SDHA: variants seen among roughly 807,000 people sequenced by gnomAD.
SDHA encodes succinate dehydrogenase complex flavoprotein subunit A.
In SDHA, 48 loss-of-function variants were observed where a neutral mutation model predicts 78.4. The observed-to-expected ratio is 0.61, with a 90% confidence interval of 0.49 to 0.78. The LOEUF is 0.78. Ranked by LOEUF, SDHA falls within the 30% of genes least tolerant of loss-of-function variation. The pLI is 0.00. For missense variants in SDHA, 680 were observed against 892.7 expected (o/e 0.76, Z 3.04); for synonymous variants, 326 against 353.9 (o/e 0.92, Z 0.88).
intron 7 of SDHA, among the ~76,000 whole-genome samples, chr5:232,800 C>G (rs1735499477): frequency 6.6e-6 from 1 of 152,204 alleles, no homozygotes; most frequent in Non-Finnish European, 1.5e-5. Flanking sequence ...AATTCGAGAG[C>G]TTGGCATGCC....
At chr5:268,728 A>G in the SDHA span, among the ~76,000 whole-genome samples, 1 of 152,222 alleles carries the variant, frequency 6.6e-6, no homozygotes, top group Admixed American at 6.5e-5. Context: ...ATATTTAAAT[A>G]TTAAAAGGGT....
intron 10 of SDHA, among the ~76,000 whole-genome samples, chr5:240,130 G>A (rs1198508108): frequency 6.6e-6 from 1 of 152,050 alleles, no homozygotes; most frequent in Non-Finnish European, 1.5e-5. Flanking sequence ...ATCACTTAAT[G>A]GATATCTACT....
intron 1 of SDHA, among the ~76,000 whole-genome samples, chr5:220,911 C>G (rs1391576416): frequency 2.0e-5 from 3 of 151,656 alleles, no homozygotes; most frequent in Non-Finnish European, 4.4e-5. Context: ...CTCCCGAGTT[C>G]ACGCCATTCT....
chr5:251,684 C>T, intron 13 of SDHA: 3 of 1,493,258 alleles, frequency 2.0e-6, no homozygotes, highest in Non-Finnish European at 2.7e-6. Flanking sequence ...TCCACTGATG[C>T]CAGCAGTGGC....
rs534035027 is a variant in SDHA at position 232,210 on chromosome 5, T to G, written c.895+1210T>G. ...AATAAGAAATGAATTTGTTGTAGTG[T>G]TTTTTTTTTATTTGTTTCGAGATGG... On this transcript the variant is annotated intron_variant, in intron 7 of 14. Transcript: ENST00000264932. Among the ~76,000 whole-genome samples, 13 of 149,054 alleles carry G rather than the reference T, an allele frequency of 8.7e-5. No individual in the cohort carries two copies. The South Asian group carries it at 2.3e-3, about 27-fold the overall frequency.
At chr5:249,715 C>G (rs1217169296) in intron 11 of SDHA, 2 of 152,304 alleles carry the variant, frequency 1.3e-5, no homozygotes, top group Non-Finnish European at 2.9e-5. Flanking sequence ...TCCCACTTCA[C>G]ATGCTGTATT....
intron 8 of SDHA, 62 bp downstream of exon 8, chr5:233,707 A>C: frequency 1.9e-6 from 3 of 1,554,384 alleles, no homozygotes; most frequent in African/African-American, 1.4e-5. Context: ...TGCTTCTGTG[A>C]GTTTCAGCAC....
intron 6 of SDHA, among the ~76,000 whole-genome samples, chr5:229,186 A>C (rs907106633): frequency 2.6e-5 from 4 of 152,358 alleles, no homozygotes; most frequent in Middle Eastern, 3.4e-3. Context: ...AAATTAGTAC[A>C]ACTATTACGG....
intron 14 of SDHA, among the ~76,000 whole-genome samples, chr5:254,994 G>A (rs1223459907): frequency 6.6e-6 from 1 of 151,898 alleles, no homozygotes; most frequent in Non-Finnish European, 1.5e-5. Context: ...CCTGGGCACT[G>A]AGCAAGCAGA....
intron 7 of SDHA, among the ~76,000 whole-genome samples, chr5:232,674 AAGAC>A (rs1474339506): frequency 9.9e-5 from 15 of 151,660 alleles, no homozygotes; most frequent in Admixed American, 9.2e-4. Flanking sequence ...AGAAAATCAA[AAGAC>A]AGACAAGAAT....
chr5:251,533 A>G (rs1295028169), intron 13 of SDHA, 65 bp downstream of exon 13: 1 of 1,611,138 alleles, frequency 6.2e-7, no homozygotes, highest in African/African-American at 1.3e-5. Context: ...ACTCAGCCCC[A>G]CCCCTGCATT....
At chr5:222,527 A>T (rs1579378180) in intron 1 of SDHA, among the ~76,000 whole-genome samples, 1 of 151,842 alleles carries the variant, frequency 6.6e-6, no homozygotes, top group East Asian at 1.9e-4. Flanking sequence ...GTTAGTAGAG[A>T]TGGGGTTTTG....
chr5:257,194 A>C (rs1310587185), downstream of SDHA, among the ~76,000 whole-genome samples: 1 of 152,172 alleles, frequency 6.6e-6, no homozygotes, highest in African/African-American at 2.4e-5. Flanking sequence ...TTACTAGGTG[A>C]GTGTGTCCTT....
the SDHA span, among the ~76,000 whole-genome samples, chr5:262,951 C>A: frequency 6.6e-6 from 1 of 151,520 alleles, no homozygotes; most frequent in Non-Finnish European, 1.5e-5. Flanking sequence ...TGTTTTTTTT[C>A]TTGGTAGAGA....
In SDHA at chr5:251,030, C is replaced by T. The variant is rs1060503701; in HGVS notation, c.1590C>T (p.Ser530=). 8.7e-6 allele frequency: 14 copies of T among 1,611,846 alleles called. No individual in the cohort carries two copies. Among genetic ancestry groups the T allele is most frequent in the South Asian group, 4.4e-5 (4 of 90,986 alleles). The change falls in exon 12 of 15, where the codon AGC becomes AGT. Residue 530 remains serine (S), a synonymous_variant. Coordinates refer to ENST00000264932, the MANE Select transcript of SDHA (RefSeq NM_004168.4). ...QNHAAVFRVG[S]VLQEGCGKIS... ...ATGCTGCCGTGTTCCGTGTGGGAAGCGTGTTGCAAGAAGGTTGTGGGAAAA... is the reference window on the plus strand; with the variant it reads ...ATGCTGCCGTGTTCCGTGTGGGAAGTGTGTTGCAAGAAGGTTGTGGGAAAA...
intron 7 of SDHA, among the ~76,000 whole-genome samples, chr5:232,957 G>A (rs1476047589): frequency 1.3e-5 from 2 of 152,178 alleles, no homozygotes; most frequent in African/African-American, 2.4e-5. Flanking sequence ...AAAGGGGGTC[G>A]TACTACCCAG....
At chr5:226,454 A>C (rs1218814195) in intron 5 of SDHA, among the ~76,000 whole-genome samples, 1 of 152,154 alleles carries the variant, frequency 6.6e-6, no homozygotes, top group Non-Finnish European at 1.5e-5. Context: ...CAACATAGCA[A>C]GACCCTGTCT....
rs1561017295 is a variant in SDHA, at chr5:256,916, T to C, written c.*496T>C. 6.6e-6 allele frequency among the ~76,000 whole-genome samples: 1 copy of C among 151,374 alleles called. No individual in the cohort carries two copies. The highest frequency in any genetic ancestry group is 1.5e-5 in the Non-Finnish European group (1 of 67,894). Reference sequence around the variant, plus strand: ...TCCTGGGCAGCTCAGGTGATCTTCCTGACTCAGCCTTCTGAGTAGTTGGGG... The same window carrying C: ...TCCTGGGCAGCTCAGGTGATCTTCCCGACTCAGCCTTCTGAGTAGTTGGGG... On this transcript the variant is annotated 3_prime_UTR_variant, in exon 15 of 15. Transcript: ENST00000264932.
intron 11 of SDHA, among the ~76,000 whole-genome samples, chr5:244,798 A>G (rs1369885073): frequency 6.6e-6 from 1 of 152,202 alleles, no homozygotes; most frequent in South Asian, 2.1e-4. Context: ...TTCTGTACCT[A>G]TAAATTTATG....
Sources: gnomAD v4.1 joint callset for allele counts (sites outside exome capture counted in the v4.1 genomes callset) on GRCh38, gnomAD v4.1.1 for gene constraint, MANE v1.5 for transcripts, NCBI Gene and HGNC (gene_info 2026-07-23, HGNC 2026-07-21) for gene names.